Variants in SAMD12 observed in about 807,000 individuals in gnomAD.
SAMD12 encodes the protein sterile alpha motif domain-containing protein 12.
Under a neutral mutation model 15.0 loss-of-function variants are expected in SAMD12, and 9 were observed. The ratio of observed to expected loss-of-function variants is 0.60; its 90% CI spans 0.36 to 1.05. The LOEUF (loss-of-function observed/expected upper bound fraction) is 1.05. Ranked by LOEUF, SAMD12 falls within the 50% of genes least tolerant of loss-of-function variation. The pLI, the probability that SAMD12 is intolerant of heterozygous loss-of-function variation, is 0.01. For missense variants in SAMD12, 230 were observed against 234.2 expected, an observed-to-expected ratio of 0.98 and a Z score of 0.12; for synonymous variants, 86 against 90.1, an observed-to-expected ratio of 0.96 and a Z score of 0.25.
At chr8:118,571,733 T>C (rs1463212079) in intron 2 of SAMD12, among the ~76,000 whole-genome samples, 3 of 152,244 alleles carry the variant, frequency 2.0e-5, no homozygotes, top group Admixed American at 6.5e-5. Context: ...GAGTCAAGAA[T>C]TGGGGTCTGA....
chr8:118,314,446 G>T (rs1396776990), intron 4 of SAMD12, among the ~76,000 whole-genome samples: 1 of 152,070 alleles, frequency 6.6e-6, no homozygotes, highest in African/African-American at 2.4e-5. Context: ...GTATTTCTAT[G>T]AAATTTTATC....
At chr8:118,197,850 T>G (rs1563690658) in intron 4 of SAMD12, 1 of 887,888 alleles carries the variant, frequency 1.1e-6, no homozygotes, top group Non-Finnish European at 1.9e-6. Context: ...AAGAGAAAGC[T>G]CTAGTCAGAA....
intron 2 of SAMD12, among the ~76,000 whole-genome samples, chr8:118,463,795 G>C (rs146127159): frequency 6.6e-6 from 1 of 151,968 alleles, no homozygotes; most frequent in Non-Finnish European, 1.5e-5. Context: ...CTTCAGCTGG[G>C]GGGGATCAGA....
intron 2 of SAMD12, among the ~76,000 whole-genome samples, chr8:118,482,827 T>C (rs1824165700): frequency 6.6e-6 from 1 of 152,190 alleles, no homozygotes; most frequent in Non-Finnish European, 1.5e-5. Flanking sequence ...GACATTCGGA[T>C]GCTTTTGCAA....
chr8:118,241,248 A>G (rs373826096), intron 4 of SAMD12, among the ~76,000 whole-genome samples: 1 of 152,128 alleles, frequency 6.6e-6, no homozygotes, highest in East Asian at 1.9e-4. Flanking sequence ...TCTTGGCCCA[A>G]TGGTTCATTC....
At chr8:118,388,497 C>T (rs1039034915) in intron 3 of SAMD12, among the ~76,000 whole-genome samples, 1 of 152,102 alleles carries the variant, frequency 6.6e-6, no homozygotes, top group Non-Finnish European at 1.5e-5. Flanking sequence ...CTTTTTACTT[C>T]TAGAGTACTA....
intron 2 of SAMD12, among the ~76,000 whole-genome samples, chr8:118,548,185 G>A (rs1826185813): frequency 2.0e-5 from 3 of 152,080 alleles, no homozygotes; most frequent in Middle Eastern, 3.4e-3. Context: ...CTGACAACTG[G>A]GACAAATATG....
intron 3 of SAMD12, among the ~76,000 whole-genome samples, chr8:118,428,367 C>T (rs561514353): frequency 1.5e-3 from 224 of 151,202 alleles, no homozygotes; most frequent in Admixed American, 4.0e-3. Flanking sequence ...GAGCTCAAGT[C>T]CAGCGTGGGC....
intron 4 of SAMD12, among the ~76,000 whole-genome samples, chr8:118,225,084 A>G (rs1408752299): frequency 6.6e-6 from 1 of 152,176 alleles, no homozygotes; most frequent in African/African-American, 2.4e-5. Flanking sequence ...CTTTTGTTGC[A>G]TCCTCTCCTG....
intron 1 of SAMD12, among the ~76,000 whole-genome samples, chr8:118,599,918 A>T (rs1827818854): frequency 6.6e-6 from 1 of 152,166 alleles, no homozygotes; most frequent in South Asian, 2.1e-4. Flanking sequence ...CAGGCGACTC[A>T]ATTAGAAACC....
chr8:118,294,456 G>A (rs1387746163), intron 4 of SAMD12, among the ~76,000 whole-genome samples: 1 of 152,202 alleles, frequency 6.6e-6, no homozygotes, highest in African/African-American at 2.4e-5. Flanking sequence ...CAGTCGGGTT[G>A]GGAGTGCTTC....
At chr8:118,352,379 A>G (rs1817999879) in intron 4 of SAMD12, among the ~76,000 whole-genome samples, 1 of 152,224 alleles carries the variant, frequency 6.6e-6, no homozygotes, top group East Asian at 1.9e-4. Flanking sequence ...AGGAAAGAAT[A>G]AAACCGTGAA....
intron 1 of SAMD12, among the ~76,000 whole-genome samples, chr8:118,584,205 A>G (rs1466543568): frequency 6.6e-6 from 1 of 152,214 alleles, no homozygotes; most frequent in Admixed American, 6.5e-5. Context: ...ACTCCCCAGT[A>G]GTTGATTTAG....
chr8:118,443,982 G>C (rs139143474), intron 2 of SAMD12, among the ~76,000 whole-genome samples: 1 of 152,282 alleles, frequency 6.6e-6, no homozygotes, highest in African/African-American at 2.4e-5. Flanking sequence ...AAGAGAGGCA[G>C]AGCTGTCAAT....
chr8:118,303,281 C>T (rs1397741974), intron 4 of SAMD12, among the ~76,000 whole-genome samples: 1 of 152,172 alleles, frequency 6.6e-6, no homozygotes, highest in Non-Finnish European at 1.5e-5. Context: ...ACAACTTAAG[C>T]TGTGGAGTCT....
At chr8:118,399,952 G>A (rs1181336482) in intron 3 of SAMD12, among the ~76,000 whole-genome samples, 1 of 152,170 alleles carries the variant, frequency 6.6e-6, no homozygotes, top group Non-Finnish European at 1.5e-5. Context: ...ACTTTGAATA[G>A]TGGCCTCTGC....
intron 3 of SAMD12, among the ~76,000 whole-genome samples, chr8:118,431,544 T>C (rs1190780293): frequency 3.3e-5 from 5 of 152,148 alleles, no homozygotes; most frequent in Non-Finnish European, 1.5e-5. Context: ...TTTCAACCCT[T>C]TAAAGTTTTC....
intron 4 of SAMD12, among the ~76,000 whole-genome samples, chr8:118,366,062 C>A (rs1249297289): frequency 6.6e-6 from 1 of 152,112 alleles, no homozygotes; most frequent in Non-Finnish European, 1.5e-5. Flanking sequence ...TTGCCAAAAG[C>A]TAGTAAAGGC....
At chr8:118,415,832 G>A (rs1368011673) in intron 3 of SAMD12, among the ~76,000 whole-genome samples, 2 of 152,168 alleles carry the variant, frequency 1.3e-5, no homozygotes, top group East Asian at 1.9e-4. Flanking sequence ...AGAAGTGGCA[G>A]CTCACAGGTT....
Sources: gnomAD v4.1 joint callset for allele counts (sites outside exome capture counted in the v4.1 genomes callset) on GRCh38, gnomAD v4.1.1 for gene constraint, MANE v1.5 for transcripts, NCBI Gene and HGNC (gene_info 2026-07-23, HGNC 2026-07-21) for gene names.